The following ZNF467 variants were observed in gnomAD, a reference collection of about 807,000 sequenced individuals.
The protein encoded by ZNF467 is zinc finger protein 467, also known as zinc finger protein EZI.
In ZNF467, 51 loss-of-function variants were observed where a neutral mutation model predicts 47.8. The observed-to-expected ratio is 1.07, with a 90% CI of 0.85 to 1.35. The LOEUF is 1.35. Ranked by LOEUF, ZNF467 falls within the 40% of genes most tolerant of loss-of-function variation. The pLI is 0.00. For synonymous variants in ZNF467, 416 were observed against 372.9 expected (o/e 1.12, Z -1.33); for missense variants, 992 against 858.1 (o/e 1.16, Z -1.95).
rs771551961 is a variant in ZNF467 at position 149,770,455 on chromosome 7, G to A, written c.136C>T (p.Leu46=). The change falls in exon 3 of 5, where the codon CTG becomes TTG. Residue 46 remains leucine, a synonymous_variant. Coordinates refer to ENST00000302017, the MANE Select transcript of ZNF467 (RefSeq NM_207336.3). ...QMSSSREERA[L]GVCSGHEAPT... The stretch of plus-strand genomic sequence containing the variant: ...TGTTACCTACCTGAGCACACCCCCA[G>A]TGCTCTCTCTTCCCTAGAAGAGGAC... The A allele has an allele frequency of 1.9e-6, 3 of 1,612,668 alleles. No individual in the cohort carries two copies. Among genetic ancestry groups the A allele is most frequent in the South Asian group, 2.2e-5 (2 of 90,892 alleles).
Position 149,765,522 on chromosome 7 carries a change from G to T in ZNF467, c.980C>A (p.Pro327Gln), listed in dbSNP as rs200061951. The T allele has an allele frequency of 1.9e-6, 3 of 1,578,598 alleles. No individual in the cohort carries two copies. In the South Asian group the frequency reaches 3.5e-5, roughly 18 times the overall value. ...RHQRVHQTAG[P>Q]ARPSPDSSAS... ...GGACGAGTCGGGAGAGGGCCTGGCC[G>T]GGCCGGCCGTCTGGTGCACCCTTTG... Residue 327 changes from proline to glutamine, a missense_variant, in exon 5 of 5, where the codon CCG becomes CAG. By Grantham distance (76) the Pro-to-Gln change is moderately conservative. Transcript: ENST00000302017.
upstream of ZNF467, among the ~76,000 whole-genome samples, chr7:149,775,226 G>A (rs989459735): frequency 2.6e-4 from 39 of 152,240 alleles, no homozygotes; most frequent in African/African-American, 7.5e-4. Context: ...GGAGACCCTC[G>A]AAGAAGGAGA....
upstream of ZNF467, among the ~76,000 whole-genome samples, chr7:149,773,885 G>C: frequency 6.6e-6 from 1 of 152,180 alleles, no homozygotes. Context: ...CCGAGGACCC[G>C]ATTCGAAACC....
At chr7:149,766,515 C>T (rs1314135037) in intron 4 of ZNF467, among the ~76,000 whole-genome samples, 1 of 152,172 alleles carries the variant, frequency 6.6e-6, no homozygotes, top group Admixed American at 6.5e-5. Context: ...GGAAGGTTGC[C>T]CAAGTTTCAG....
upstream of ZNF467, among the ~76,000 whole-genome samples, chr7:149,774,896 C>T (rs923960945): frequency 3.3e-5 from 5 of 152,094 alleles, no homozygotes; most frequent in Admixed American, 3.3e-4. This position sits in a 1 kb window ranked among gnomAD's most constrained non-coding sequence, Gnocchi z 5.7. Context: ...TAACAGCAGC[C>T]CCCTTCCTCC....
chr7:149,767,008 C>T (rs960114905), intron 4 of ZNF467, among the ~76,000 whole-genome samples: 2 of 152,204 alleles, frequency 1.3e-5, no homozygotes, highest in Non-Finnish European at 2.9e-5. Flanking sequence ...AGCCTAAGGG[C>T]AGGTTGCAGG....
chr7:149,773,949 C>G (rs2117483570), upstream of ZNF467, among the ~76,000 whole-genome samples: 1 of 152,262 alleles, frequency 6.6e-6, no homozygotes. Flanking sequence ...CCTGTGCTTG[C>G]GAGAACGGGT....
rs974827477 is a variant in ZNF467, at chr7:149,765,943, G to A, written c.559C>T (p.Pro187Ser). 3 of 1,553,044 alleles carry A rather than the reference G, an allele frequency of 1.9e-6. No individual in the cohort carries two copies. In the Admixed American group the frequency reaches 5.8e-5, roughly 30 times the overall value. ...LHQRLHRGEG[P>S]CACPDCGRSF... ...CGGCCGCAGTCCGGGCAGGCGCAGG[G>A]GCCCTCGCCCCGGTGCAGCCGCTGG... The change falls in exon 5 of 5, where the codon CCC becomes TCC. Residue 187 changes from proline to serine, a missense_variant. Pro to Ser is a moderately conservative substitution (Grantham distance 74). Transcript: ENST00000302017.
upstream of ZNF467, chr7:149,776,450 G>A (rs1425433401): frequency 3.0e-5 from 40 of 1,344,528 alleles, no homozygotes; most frequent in Non-Finnish European, 3.9e-5. Flanking sequence ...AGCCGCCTGG[G>A]CTGGCGGCTG....
At chr7:149,771,463 C>A (rs1456156570) in intron 1 of ZNF467, among the ~76,000 whole-genome samples, 6 of 152,108 alleles carry the variant, frequency 3.9e-5, no homozygotes, top group Non-Finnish European at 8.8e-5. Context: ...TGGGAAACTT[C>A]ATCTCCCAGG....
chr7:149,764,744 G>C lies in ZNF467; in HGVS notation c.1758C>G (p.Pro586=), dbSNP rs539312457. Residue 586 remains proline, a synonymous_variant, in exon 5 of 5, where the codon CCC becomes CCG. Coordinates refer to ENST00000302017, the MANE Select transcript of ZNF467 (RefSeq NM_207336.3). ...ALAAPAWSAP[P]EVAPPPLFF is the part of the protein sequence containing the mutation. ...AGAAGAGCGGGGGCGGCGCCACCTCGGGGGGAGCGGACCAGGCTGGGGCCG... is the reference window on the plus strand; with the variant it reads ...AGAAGAGCGGGGGCGGCGCCACCTCCGGGGGAGCGGACCAGGCTGGGGCCG... The C allele has an allele frequency of 2.6e-6, 4 of 1,546,968 alleles. No homozygotes were observed. In the East Asian group the frequency reaches 9.1e-5, roughly 35 times the overall value.
At chr7:149,774,052 CGGGGCTGGGCGGAGATTCTGAGGGCG>C (rs543786186), upstream of ZNF467, among the ~76,000 whole-genome samples, 1 of 115,442 alleles carries the variant, frequency 8.7e-6, no homozygotes, top group African/African-American at 3.2e-5. This position sits in a 1 kb window ranked among gnomAD's most constrained non-coding sequence, Gnocchi z 5.7. Context: ...AAGGCTGGGA[CGGGGCTGGGCGGAGATTCTGAGGGCG>C]GGGTCCGGGG....
In ZNF467 at chr7:149,765,539, C is replaced by A; in HGVS notation, c.963G>T (p.Val321=). ...HKQHLVRHQR[V]HQTAGPARPS... ...GCCTGGCCGGGCCGGCCGTCTGGTG[C>A]ACCCTTTGGTGCCGCACCAAGTGCT... The change falls in exon 5 of 5, where the codon GTG becomes GTT. Residue 321 remains valine (V), a synonymous_variant. Coordinates refer to ENST00000302017, the MANE Select transcript of ZNF467 (RefSeq NM_207336.3). 1.3e-6 allele frequency: 2 copies of A among 1,581,238 alleles called. No individual in the cohort carries two copies. The highest frequency in any genetic ancestry group is 2.3e-5 in the South Asian group (2 of 87,172).
chr7:149,776,435 A>G (rs781039864), upstream of ZNF467: 14 of 1,354,024 alleles, frequency 1.0e-5, no homozygotes, highest in African/African-American at 1.5e-5. Flanking sequence ...AGCCTCGACC[A>G]TTACAGCCGC....
In ZNF467 at chr7:149,764,806, C is replaced by G. The variant is rs201535763; in HGVS notation, c.1696G>C (p.Gly566Arg). 63 of 1,528,976 alleles carry G rather than the reference C, an allele frequency of 4.1e-5. No homozygotes were observed. The highest frequency in any genetic ancestry group is 1.8e-4 in the Middle Eastern group (1 of 5,596). The allele number at this position is 1,528,976 out of a possible 1,614,324, so 94.7% of individuals were successfully genotyped here. ...TCCGGGGCCGCGTGGGCGGCTTCGC[C>G]GTGAATGAGCTGGTGCCGCACCAGG... Reference protein sequence around the residue: ...THLVRHQLIHGEAAHAAPDAA... With the variant: ...THLVRHQLIHREAAHAAPDAA... The change falls in exon 5 of 5, where the codon GGC (glycine) becomes CGC (arginine). Residue 566 changes from glycine (G) to arginine (R), a missense_variant. Gly to Arg is a moderately radical substitution (Grantham distance 125, BLOSUM62 -2). Coordinates refer to ENST00000302017, the MANE Select transcript of ZNF467 (RefSeq NM_207336.3).
At chr7:149,774,628 G>C (rs1227127156), upstream of ZNF467, among the ~76,000 whole-genome samples, 2 of 152,188 alleles carry the variant, frequency 1.3e-5, no homozygotes, top group African/African-American at 4.8e-5. This position sits in a 1 kb window ranked among gnomAD's most constrained non-coding sequence, Gnocchi z 5.7. Context: ...GGGAGCACCT[G>C]GAGTAGCATG....
In ZNF467 at chr7:149,764,970, C is replaced by T. The variant is rs553916667; in HGVS notation, c.1532G>A (p.Gly511Asp). 6.9e-6 allele frequency: 11 copies of T among 1,590,656 alleles called. No individual in the cohort carries two copies. The South Asian group carries it at 1.1e-4, about 16-fold the overall frequency. ...HLGRHQAVHT[G>D]SRPHACAVCA... ...GACGGCGCAGGCGTGGGGGCGGCTG[C>T]CAGTGTGCACCGCCTGGTGGCGGCC... The change falls in exon 5 of 5, where the codon GGC becomes GAC. Residue 511 changes from glycine to aspartate, a missense_variant. By Grantham distance (94) the Gly-to-Asp change is moderately conservative. Coordinates refer to ENST00000302017, the MANE Select transcript of ZNF467 (RefSeq NM_207336.3).
In ZNF467 at chr7:149,770,594, C is replaced by T. The variant is rs369893887; in HGVS notation, c.35-38G>A. 3.2e-6 allele frequency: 5 copies of T among 1,543,206 alleles called. No individual in the cohort carries two copies. In the African/African-American group the frequency reaches 6.9e-5, roughly 21 times the overall value. Reference sequence around the variant, plus strand: ...GAAGGATGGGTCCAAGTAAAGCATCCAGTACAGAACAAGTAATCAGAGGCG... The same window carrying T: ...GAAGGATGGGTCCAAGTAAAGCATCTAGTACAGAACAAGTAATCAGAGGCG... On this transcript the variant is annotated intron_variant, in intron 2 of 4. Transcript: ENST00000302017.
chr7:149,774,392 C>G (rs1324092996), upstream of ZNF467, among the ~76,000 whole-genome samples: 3 of 152,226 alleles, frequency 2.0e-5, no homozygotes, highest in Admixed American at 2.0e-4. This position sits in a 1 kb window ranked among gnomAD's most constrained non-coding sequence, Gnocchi z 5.7. Context: ...CAGCTTCCTC[C>G]CTTCTGCCCC....
Sources: gnomAD v4.1 joint callset for allele counts (sites outside exome capture counted in the v4.1 genomes callset) on GRCh38, gnomAD v4.1.1 for gene constraint, Gnocchi (gnomAD v3.1) non-coding constraint, MANE v1.5 for transcripts, NCBI Gene and HGNC (gene_info 2026-07-23, HGNC 2026-07-21) for gene names.